Variants in POLR3B observed in about 807,000 individuals in gnomAD.
POLR3B encodes the protein DNA-directed RNA polymerase III subunit RPC2.
Under a neutral mutation model 147.4 loss-of-function variants are expected in POLR3B, and 96 were observed. That is an observed-to-expected ratio of 0.65 (90% confidence interval 0.55 to 0.77). The LOEUF (loss-of-function observed/expected upper bound fraction) is 0.77, where lower values mean the gene tolerates loss of function less well. Among genes scored for constraint, POLR3B ranks in the 30% least tolerant of loss-of-function variants. The pLI is 0.00. For synonymous variants in POLR3B, 461 were observed against 485.9 expected, an observed-to-expected ratio of 0.95 and a Z score of 0.67; for missense variants, 1,036 against 1,413.5, an observed-to-expected ratio of 0.73 and a Z score of 4.28.
intron 18 of POLR3B, among the ~76,000 whole-genome samples, chr12:106,444,153 C>CTT (rs981820752): frequency 2.6e-5 from 4 of 152,130 alleles, no homozygotes; most frequent in African/African-American, 9.7e-5. Context: ...ATATTCCACT[C>CTT]TTAAATGGTG....
intron 12 of POLR3B, among the ~76,000 whole-genome samples, chr12:106,416,005 T>G (rs1374052248): frequency 6.6e-6 from 1 of 152,160 alleles, no homozygotes; most frequent in African/African-American, 2.4e-5. Flanking sequence ...GCTCTTGCCC[T>G]GAAAACTATT....
intron 9 of POLR3B, among the ~76,000 whole-genome samples, chr12:106,384,426 A>G (rs1351228175): frequency 6.6e-6 from 1 of 152,238 alleles, no homozygotes; most frequent in South Asian, 2.1e-4. Context: ...AAATTTATAC[A>G]TAACCCCAAA....
At position 106,393,142 on chromosome 12, in the gene POLR3B, A is replaced by G; in HGVS notation, c.835A>G (p.Thr279Ala). ...AGAGTGCCAGAAAGCTCAGATTTTC[A>G]CACAGATGCAGGTGTGTCTTTTCAT... ...LEECQKAQIFTQMQALKYIGN... is the reference protein window; with the variant it reads ...LEECQKAQIFAQMQALKYIGN... The change falls in exon 10 of 28, where the codon ACA becomes GCA. Residue 279 changes from threonine to alanine, a missense_variant. Coordinates refer to ENST00000228347, the MANE Select transcript of POLR3B (RefSeq NM_018082.6). The G allele has an allele frequency of 6.2e-7, 1 of 1,614,208 alleles. No homozygotes were observed. Among genetic ancestry groups the G allele is most frequent in the Middle Eastern group, 1.6e-4 (1 of 6,062 alleles).
intron 18 of POLR3B, among the ~76,000 whole-genome samples, chr12:106,439,893 C>T (rs1210817361): frequency 6.6e-6 from 1 of 151,620 alleles, no homozygotes; most frequent in Non-Finnish European, 1.5e-5. Flanking sequence ...CTCATCTCTA[C>T]TAAAAATAAA....
Position 106,435,132 on chromosome 12 carries a change from A to ATT in POLR3B, c.1781+1272_1781+1273dup, listed in dbSNP as rs71072676. Reference sequence around the variant, plus strand: ...TTGATTCTTATCCTTCCATTAAATTATTTTTTTTTTTTTGAGACAGAGTCT... The same window carrying ATT: ...TTGATTCTTATCCTTCCATTAAATTATTTTTTTTTTTTTTTGAGACAGAGTCT... On this transcript the variant is annotated intron_variant, in intron 16 of 27. Coordinates refer to ENST00000228347, the MANE Select transcript of POLR3B (RefSeq NM_018082.6). Among the ~76,000 whole-genome samples, 152 of 145,338 alleles carry ATT rather than the reference A, an allele frequency of 1.0e-3. 4 individuals carry two copies. In the East Asian group the frequency reaches 0.018, roughly 17 times the overall value.
chr12:106,384,176 A>C (rs1019139317), intron 9 of POLR3B, among the ~76,000 whole-genome samples: 2 of 152,184 alleles, frequency 1.3e-5, no homozygotes, highest in African/African-American at 4.8e-5. Flanking sequence ...TTAAATTTGG[A>C]AAAAACACAA....
At chr12:106,491,313 G>C (rs973441924) in intron 23 of POLR3B, among the ~76,000 whole-genome samples, 7 of 152,210 alleles carry the variant, frequency 4.6e-5, no homozygotes, top group African/African-American at 1.7e-4. Context: ...CAGTGGAACA[G>C]CATTGAGTCA....
chr12:106,420,631 C>T (rs2037362657), intron 12 of POLR3B, among the ~76,000 whole-genome samples: 1 of 152,184 alleles, frequency 6.6e-6, no homozygotes, highest in African/African-American at 2.4e-5. Context: ...CTGATAGGAC[C>T]TACTCTACCA....
chr12:106,436,948 T>C (rs1161134154), intron 16 of POLR3B, 109 bp from the exon 17 acceptor site: 4 of 819,920 alleles, frequency 4.9e-6, no homozygotes, highest in Non-Finnish European at 8.2e-6. Flanking sequence ...AATCCAGGAA[T>C]AGGTTTGTTT....
chr12:106,488,295 T>C (rs980255815), intron 23 of POLR3B, among the ~76,000 whole-genome samples: 2 of 152,234 alleles, frequency 1.3e-5, no homozygotes, highest in African/African-American at 4.8e-5. Flanking sequence ...CCAAAAGAGC[T>C]GGACCTTTGA....
rs373262933 is a variant in POLR3B, at chr12:106,496,207, A to T, written c.2817+49A>T. 79 of 1,138,046 alleles carry T rather than the reference A, an allele frequency of 6.9e-5. No homozygotes were observed. The African/African-American group carries it at 1.1e-3, about 15-fold the overall frequency. The allele number at this position is 1,138,046 out of a possible 1,614,324, so 70.5% of individuals were successfully genotyped here. A position where few individuals can be genotyped will look rare whatever the true frequency, so the allele number is the denominator to read the frequency against. Reference sequence around the variant, plus strand: ...GAGGCATTGCCTTTAAGGAAGAAGCAGGCAGTTAGTTTAGTTAGAGTGAGT... The same window carrying T: ...GAGGCATTGCCTTTAAGGAAGAAGCTGGCAGTTAGTTTAGTTAGAGTGAGT... On this transcript the variant is annotated intron_variant, in intron 24 of 27. Coordinates refer to ENST00000228347, the MANE Select transcript of POLR3B (RefSeq NM_018082.6).
At chr12:106,435,154 G>A (rs1178627822) in intron 16 of POLR3B, among the ~76,000 whole-genome samples, 2 of 149,470 alleles carry the variant, frequency 1.3e-5, no homozygotes, top group Non-Finnish European at 3.0e-5. Context: ...TTGAGACAGA[G>A]TCTCACTTTG....
chr12:106,429,081 C>T (rs2037474275), intron 13 of POLR3B, among the ~76,000 whole-genome samples: 1 of 152,148 alleles, frequency 6.6e-6, no homozygotes, highest in Admixed American at 6.6e-5. Flanking sequence ...TTTATTGGGT[C>T]CTCTGAGGAG....
At chr12:106,391,441 C>A (rs905328690) in intron 9 of POLR3B, among the ~76,000 whole-genome samples, 12 of 142,246 alleles carry the variant, frequency 8.4e-5, no homozygotes, top group African/African-American at 3.5e-4. Flanking sequence ...AAGGGAGTAT[C>A]AAAGAATCTA....
chr12:106,507,733 C>T (rs530868295), intron 27 of POLR3B: 2 of 455,748 alleles, frequency 4.4e-6, no homozygotes, highest in East Asian at 1.4e-4. Context: ...TTCTCCCATT[C>T]TCCTCCTCAG....
chr12:106,469,012 T>G (rs1417446570), intron 23 of POLR3B, among the ~76,000 whole-genome samples: 2 of 152,106 alleles, frequency 1.3e-5, no homozygotes, highest in African/African-American at 4.8e-5. Flanking sequence ...GTTTCTGTCT[T>G]GTTGATCTGT....
chr12:106,379,483 G>A (rs1024363161), intron 8 of POLR3B, among the ~76,000 whole-genome samples: 4 of 152,226 alleles, frequency 2.6e-5, no homozygotes, highest in African/African-American at 9.6e-5. Flanking sequence ...GGTAATCTGT[G>A]TGTGTTACTA....
chr12:106,439,668 A>AT (rs928608315), intron 18 of POLR3B, among the ~76,000 whole-genome samples: 1 of 152,026 alleles, frequency 6.6e-6, no homozygotes, highest in Non-Finnish European at 1.5e-5. Context: ...AAATATATAT[A>AT]TTTTTTGCAC....
At chr12:106,470,355 C>G (rs2038073002) in intron 23 of POLR3B, among the ~76,000 whole-genome samples, 2 of 152,052 alleles carry the variant, frequency 1.3e-5, no homozygotes, top group Admixed American at 6.6e-5. Flanking sequence ...ATTCATCTAA[C>G]CTTTTTTCAA....
Sources: allele counts gnomAD v4.1 joint callset (sites outside exome capture counted in the v4.1 genomes callset), GRCh38; gene constraint gnomAD v4.1.1; transcripts MANE v1.5; gene names NCBI Gene and HGNC (gene_info 2026-07-23, HGNC 2026-07-21).